URB1: variants seen among roughly 807,000 people sequenced by gnomAD.
URB1 encodes URB1 ribosome biogenesis factor, also known as nucleolar pre-ribosomal-associated protein 1.
A neutral mutation model predicts 242.3 loss-of-function variants in URB1; 197 were observed. The observed-to-expected ratio is 0.81, with a 90% CI of 0.72 to 0.91. URB1 has a LOEUF of 0.91. Among genes scored for constraint, URB1 ranks in the 40% least tolerant of loss-of-function variants. The pLI, the probability that URB1 is intolerant of heterozygous loss-of-function variation, is 0.00. For missense variants in URB1, 2,721 were observed against 2,860.5 expected (o/e 0.95, Z 1.11); for synonymous variants, 1,153 against 1,201.8 (o/e 0.96, Z 0.84).
Position 32,344,715 on chromosome 21 carries a change from G to C in URB1, c.4112C>G (p.Ser1371Ter). ...ADSISAALEG[S>*]AEELCAWRRT... ...TCTCCAGGCACACAGCTCTTCTGCT[G>C]ACCCTTCCAGAGCTGCTGAAATGGA... Residue 1371 changes from serine to a stop codon, truncating the protein, a stop_gained, in exon 24 of 39, where the codon TCA (serine) becomes TGA (stop). Transcript: ENST00000382751. LOFTEE classifies it high-confidence loss of function. The C allele has an allele frequency of 6.4e-7, 1 of 1,551,980 alleles. No homozygotes were observed. The highest frequency in any genetic ancestry group is 8.7e-7 in the Non-Finnish European group (1 of 1,147,092).
intron 30 of URB1, among the ~76,000 whole-genome samples, chr21:32,326,498 T>A (rs187303472): frequency 6.6e-6 from 1 of 152,160 alleles, no homozygotes; most frequent in Non-Finnish European, 1.5e-5. Flanking sequence ...GAAAAATGCA[T>A]TGGATGGTGA....
chr21:32,333,217 A>G, intron 30 of URB1, 100 bp downstream of exon 30: 2 of 936,164 alleles, frequency 2.1e-6, no homozygotes, highest in South Asian at 1.4e-5. Context: ...TCCAAGATTC[A>G]GGTCCTCATG....
chr21:32,326,523 G>C (rs1194451628), intron 30 of URB1, among the ~76,000 whole-genome samples: 2 of 152,194 alleles, frequency 1.3e-5, no homozygotes, highest in African/African-American at 4.8e-5. Flanking sequence ...GTTTGGATTT[G>C]TGGCCCTACC....
At chr21:32,359,419 TATCTA>T (rs2033259832) in intron 14 of URB1, among the ~76,000 whole-genome samples, 1 of 152,254 alleles carries the variant, frequency 6.6e-6, no homozygotes, top group Non-Finnish European at 1.5e-5. Flanking sequence ...CTGACTTGGT[TATCTA>T]TTCTCATCTC....
intron 26 of URB1, 26 bp from the exon 27 acceptor site, chr21:32,337,540 A>G (rs929456777): frequency 6.5e-7 from 1 of 1,536,758 alleles, no homozygotes; most frequent in Non-Finnish European, 8.8e-7. Flanking sequence ...CCTGAAACAC[A>G]TGGCATGGTG....
rs1020097694 is a variant in URB1, at chr21:32,392,971, G to C, written c.-61C>G. On this transcript the variant is annotated 5_prime_UTR_variant, in exon 1 of 39. Transcript: ENST00000382751. Reference sequence around the variant, plus strand: ...CCTGAGGGGACCCGGCAGGAGCACTGGCACAGACAGCAGACACGCGCTTCA... The same window carrying C: ...CCTGAGGGGACCCGGCAGGAGCACTCGCACAGACAGCAGACACGCGCTTCA... 1.4e-6 allele frequency: 2 copies of C among 1,431,552 alleles called. No individual in the cohort carries two copies. Among genetic ancestry groups the C allele is most frequent in the Non-Finnish European group, 1.8e-6 (2 of 1,093,350 alleles). The allele number at this position is 1,431,552 out of a possible 1,614,324, so 88.7% of individuals were successfully genotyped here.
At chr21:32,321,188 T>C (rs2032761085) in intron 34 of URB1, among the ~76,000 whole-genome samples, 1 of 152,210 alleles carries the variant, frequency 6.6e-6, no homozygotes, top group Admixed American at 6.5e-5. Context: ...TTACCCACAT[T>C]TTACATATGA....
intron 28 of URB1, 127 bp downstream of exon 28, chr21:32,336,967 G>T: frequency 1.1e-6 from 1 of 931,192 alleles, no homozygotes; most frequent in Non-Finnish European, 1.7e-6. Flanking sequence ...AGTCAGGGGA[G>T]TGCTGCCTGC....
intron 7 of URB1, 90 bp from the exon 8 acceptor site, chr21:32,372,721 C>A: frequency 7.3e-7 from 1 of 1,365,568 alleles, no homozygotes; most frequent in Non-Finnish European, 9.7e-7. Flanking sequence ...TATTAACTGC[C>A]GATGACAATT....
chr21:32,330,346 T>A (rs1283239102), intron 30 of URB1, among the ~76,000 whole-genome samples: 1 of 151,990 alleles, frequency 6.6e-6, no homozygotes, highest in East Asian at 1.9e-4. Context: ...CTCTGCAAAT[T>A]TTTCTACCTG....
At chr21:32,335,598 C>G (rs2032948366) in intron 28 of URB1, 1 of 152,326 alleles carries the variant, frequency 6.6e-6, no homozygotes, top group Admixed American at 6.5e-5. Context: ...CTGTGCAAGT[C>G]GACAACAGTC....
In URB1 at chr21:32,346,993, C is replaced by T. The variant is rs1475496754; in HGVS notation, c.3831G>A (p.Gln1277=). 8 of 1,539,756 alleles carry T rather than the reference C, an allele frequency of 5.2e-6. No homozygotes were observed. The highest frequency in any genetic ancestry group is 7.0e-6 in the Non-Finnish European group (8 of 1,138,398). ...GTGTGAAGTGGCTCCGTGTCCTGCA[C>T]TGGAGGTACACATGGATGAGGGGAA... ...DFLPLIHVYL[Q]CRTRSHFTRP... is the part of the protein sequence containing the mutation. The change falls in exon 22 of 39, where the codon CAG becomes CAA. Residue 1277 remains glutamine (Q), a synonymous_variant. Transcript: ENST00000382751.
chr21:32,319,083 C>T (rs1046004108), intron 36 of URB1, 134 bp downstream of exon 36: 4 of 816,936 alleles, frequency 4.9e-6, no homozygotes, highest in Non-Finnish European at 7.4e-6. Context: ...TGGTGCTCTG[C>T]CCCAATCCAC....
intron 30 of URB1, among the ~76,000 whole-genome samples, chr21:32,331,823 C>T (rs1173900027): frequency 2.0e-5 from 3 of 152,240 alleles, no homozygotes; most frequent in Non-Finnish European, 4.4e-5. Context: ...AGCCCCAAAT[C>T]CCCTGTTGGG....
intron 1 of URB1, among the ~76,000 whole-genome samples, chr21:32,387,451 T>C (rs1374772899): frequency 6.6e-6 from 1 of 151,996 alleles, no homozygotes; most frequent in African/African-American, 2.4e-5. Context: ...ACCCTGCCTC[T>C]CTCTGGTTCC....
chr21:32,384,383 T>G lies in URB1; in HGVS notation c.364A>C (p.Asn122His), dbSNP rs1173023341. 1 of 1,552,160 alleles carries G rather than the reference T, an allele frequency of 6.4e-7. No individual in the cohort carries two copies. Among genetic ancestry groups the G allele is most frequent in the African/African-American group, 1.4e-5 (1 of 73,056 alleles). Residue 122 changes from asparagine to histidine, a missense_variant, in exon 3 of 39, where the codon AAC becomes CAC. By Grantham distance (68) the Asn-to-His change is moderately conservative. Transcript: ENST00000382751. ...TTGTTCATCAGCTTTTTCACAATGT[T>G]GGTTCCCACAACATGGAAATGTGAA... ...DLSHFHVVGT[N>H]IVKKLMNNHM... is the part of the protein sequence containing the mutation.
At chr21:32,335,534 T>C (rs2123563322) in intron 28 of URB1, 1 of 152,470 alleles carries the variant, frequency 6.6e-6, no homozygotes, top group East Asian at 1.9e-4. Context: ...CAAGGAACAT[T>C]ATCTATAGAG....
At chr21:32,379,406 C>T (rs2033496464) in intron 4 of URB1, among the ~76,000 whole-genome samples, 1 of 152,192 alleles carries the variant, frequency 6.6e-6, no homozygotes. Context: ...TCATTCACTG[C>T]CAAGAAATAA....
Position 32,314,567 on chromosome 21 carries a change from T to TG in URB1, c.*350_*351insC. The TG allele has an allele frequency of 1.2e-6, 2 of 1,613,988 alleles. No homozygotes were observed. Among genetic ancestry groups the TG allele is most frequent in the Non-Finnish European group, 1.7e-6 (2 of 1,179,818 alleles). Reference sequence around the variant, plus strand: ...ACATTTCAGCTTTAACACAGATGAATCTCTTCTGCATTCAGAAGTGCTGCC... The same window carrying TG: ...ACATTTCAGCTTTAACACAGATGAATGCTCTTCTGCATTCAGAAGTGCTGCC... On this transcript the variant is annotated 3_prime_UTR_variant, in exon 39 of 39. Transcript: ENST00000382751.
Sources: allele counts gnomAD v4.1 joint callset (sites outside exome capture counted in the v4.1 genomes callset), GRCh38; gene constraint gnomAD v4.1.1; transcripts MANE v1.5; gene names NCBI Gene and HGNC (gene_info 2026-07-23, HGNC 2026-07-21).